Variants in CDH13 observed in about 807,000 individuals in gnomAD.
The protein encoded by CDH13 is cadherin-13.
Under a neutral mutation model 63.8 loss-of-function variants are expected in CDH13, and 24 were observed. The observed-to-expected ratio is 0.38, with a 90% CI of 0.27 to 0.53. CDH13 has a LOEUF of 0.53. CDH13 is among the 20% of genes least tolerant of loss of function. CDH13 has a pLI of 0.85. For synonymous variants in CDH13, 503 were observed against 355.3 expected (o/e 1.42, Z -4.67); for missense variants, 1,049 against 903.1 (o/e 1.16, Z -2.07).
chr16:83,540,704 C>T (rs2075282543), intron 7 of CDH13, among the ~76,000 whole-genome samples: 1 of 152,184 alleles, frequency 6.6e-6, no homozygotes, highest in African/African-American at 2.4e-5. Flanking sequence ...CAAGTAGTAA[C>T]AGTAGTAACT....
At chr16:82,735,440 C>A (rs1236728452) in intron 1 of CDH13, among the ~76,000 whole-genome samples, 2 of 152,200 alleles carry the variant, frequency 1.3e-5, no homozygotes, top group African/African-American at 4.8e-5. Flanking sequence ...TGGCATGAAA[C>A]AATACAGTTA....
intron 5 of CDH13, among the ~76,000 whole-genome samples, chr16:83,325,020 G>T (rs1486280636): frequency 2.0e-5 from 3 of 152,120 alleles, no homozygotes. Context: ...ATGGGCATTT[G>T]CTAAGGCTGT....
At chr16:83,748,299 A>G (rs769147782) in intron 11 of CDH13, 49 bp downstream of exon 11, 2 of 1,516,062 alleles carry the variant, frequency 1.3e-6, no homozygotes, top group South Asian at 1.3e-5. Context: ...TGCTACAAAT[A>G]TACTTTTACA....
intron 5 of CDH13, among the ~76,000 whole-genome samples, chr16:83,250,483 C>G (rs1905390527): frequency 6.6e-6 from 1 of 152,132 alleles, no homozygotes; most frequent in African/African-American, 2.4e-5. Context: ...AGTATGCAGT[C>G]AGAGGCTCTG....
intron 6 of CDH13, among the ~76,000 whole-genome samples, chr16:83,348,126 G>T (rs1280705928): frequency 6.6e-6 from 1 of 152,174 alleles, no homozygotes; most frequent in Non-Finnish European, 1.5e-5. Flanking sequence ...GGAGGCGGAA[G>T]TTGCAGTGAG....
At chr16:83,240,977 C>T (rs1255885913) in intron 5 of CDH13, among the ~76,000 whole-genome samples, 1 of 152,138 alleles carries the variant, frequency 6.6e-6, no homozygotes, top group Non-Finnish European at 1.5e-5. Flanking sequence ...CCATTAAACA[C>T]TAATTCTCTT....
intron 2 of CDH13, among the ~76,000 whole-genome samples, chr16:83,024,542 G>A (rs980987582): frequency 5.3e-5 from 8 of 152,098 alleles, no homozygotes; most frequent in East Asian, 1.9e-4. Context: ...ATTTGACCTC[G>A]GTTCATATAA....
intron 1 of CDH13, among the ~76,000 whole-genome samples, chr16:82,747,580 T>C (rs1454045173): frequency 4.0e-5 from 6 of 149,130 alleles, no homozygotes; most frequent in Admixed American, 4.0e-4. Flanking sequence ...TCAGAAACTT[T>C]GGAGAATGGC....
intron 6 of CDH13, among the ~76,000 whole-genome samples, chr16:83,361,412 G>T (rs1052929341): frequency 1.1e-4 from 17 of 152,070 alleles, no homozygotes; most frequent in Non-Finnish European, 1.6e-4. Context: ...AGTTTCCTTT[G>T]CTGTGCAGAT....
chr16:83,005,162 A>G (rs918121199), intron 2 of CDH13, among the ~76,000 whole-genome samples: 8 of 152,182 alleles, frequency 5.3e-5, no homozygotes, highest in Non-Finnish European at 1.0e-4. Context: ...ATGAGATTCT[A>G]TTATTACAAG....
chr16:83,490,302 C>A (rs2073984759), intron 7 of CDH13, among the ~76,000 whole-genome samples: 1 of 152,180 alleles, frequency 6.6e-6, no homozygotes, highest in Non-Finnish European at 1.5e-5. Context: ...GTGGCAGGCA[C>A]TGGGAATTTT....
intron 10 of CDH13, among the ~76,000 whole-genome samples, chr16:83,684,103 A>G (rs763420464): frequency 7.2e-5 from 11 of 152,236 alleles, no homozygotes; most frequent in Admixed American, 2.0e-4. Flanking sequence ...ACAGTGGCTC[A>G]CACCTGTAAT....
intron 5 of CDH13, among the ~76,000 whole-genome samples, chr16:83,283,356 C>G (rs1371500557): frequency 6.6e-6 from 1 of 152,040 alleles, no homozygotes; most frequent in Non-Finnish European, 1.5e-5. Context: ...TTTGGGTGGC[C>G]GAGGAGGGTG....
intron 2 of CDH13, among the ~76,000 whole-genome samples, chr16:83,027,106 CCCCCCCCCACCG>C (rs1915883984): frequency 7.1e-6 from 1 of 141,010 alleles, no homozygotes; most frequent in African/African-American, 2.6e-5. Flanking sequence ...AGGGAGACCC[CCCCCCCCCACCG>C]CCCCGCCTCC....
rs1435753441 is a variant in CDH13, at chr16:83,488,940, T to C, written c.960+2285T>C. Among the ~76,000 whole-genome samples the C allele has an allele frequency of 3.3e-5, 5 of 152,280 alleles. No individual in the cohort carries two copies. The South Asian group carries it at 8.3e-4, about 25-fold the overall frequency. On this transcript the variant is annotated intron_variant, in intron 7 of 13. Coordinates refer to ENST00000567109, the MANE Select transcript of CDH13 (RefSeq NM_001257.5). ...GCGCCCGGCCAATGCTCCCTATTTT[T>C]ATGACTGACATATTTTCTTCTTTTG...
At position 83,432,653 on chromosome 16, in the gene CDH13, G is replaced by T. The variant is rs558104952; in HGVS notation, c.782-53824G>T. Among the ~76,000 whole-genome samples, 598 of 152,306 alleles carry T rather than the reference G, an allele frequency of 3.9e-3. 4 individuals carry two copies. The highest frequency in any genetic ancestry group is 0.013 in the African/African-American group (560 of 41,560). On this transcript the variant is annotated intron_variant, in intron 6 of 13. Coordinates refer to ENST00000567109, the MANE Select transcript of CDH13 (RefSeq NM_001257.5). ...TGTCACTTCACTCTGGGTGGAGAAA[G>T]GTGTAGCCGGCTCTCAGGCTCATGC...
At chr16:83,532,050 A>G (rs529850388) in intron 7 of CDH13, among the ~76,000 whole-genome samples, 5 of 152,216 alleles carry the variant, frequency 3.3e-5, no homozygotes, top group Non-Finnish European at 7.4e-5. Flanking sequence ...ATAGTGAGGA[A>G]GTCTCATGAG....
intron 1 of CDH13, among the ~76,000 whole-genome samples, chr16:82,680,762 A>G (rs1914455267): frequency 6.6e-6 from 1 of 152,204 alleles, no homozygotes; most frequent in Admixed American, 6.5e-5. Flanking sequence ...TATCAATAGC[A>G]GGAAGTTATT....
chr16:83,299,531 C>T lies in CDH13; in HGVS notation c.637-45331C>T, dbSNP rs76531845. On this transcript the variant is annotated intron_variant, in intron 5 of 13. Coordinates refer to ENST00000567109, the MANE Select transcript of CDH13 (RefSeq NM_001257.5). ...GTCATTCATCCTCACTAGAGATCAT[C>T]TTACTTCCCTCGATTATTCTTTGTT... is the stretch of plus-strand genomic sequence containing the variant. Among the ~76,000 whole-genome samples the T allele has an allele frequency of 1.1e-3, 170 of 152,330 alleles. 5 individuals carry two copies. In the East Asian group the frequency reaches 0.03, roughly 27 times the overall value.
Sources: gnomAD v4.1 joint callset for allele counts (sites outside exome capture counted in the v4.1 genomes callset) on GRCh38, gnomAD v4.1.1 for gene constraint, MANE v1.5 for transcripts, NCBI Gene and HGNC (gene_info 2026-07-23, HGNC 2026-07-21) for gene names.